Variants in TMF1 observed in about 807,000 individuals in gnomAD.
The protein encoded by TMF1 is TATA element modulatory factor 1.
TMF1 carries 71 observed loss-of-function variants against 126.5 expected under a neutral mutation model. That is an observed-to-expected ratio of 0.56 (90% confidence interval 0.46 to 0.68). The LOEUF is 0.68. Among genes scored for constraint, TMF1 ranks in the 30% least tolerant of loss-of-function variants. The probability of loss-of-function intolerance (pLI) is 0.00; values close to 1 mark genes in which losing one functional copy is unlikely to be tolerated. For missense variants in TMF1, 1,259 were observed against 1,253.2 expected (o/e 1.00, Z -0.07); for synonymous variants, 461 against 430.5 (o/e 1.07, Z -0.88).
intron 13 of TMF1, among the ~76,000 whole-genome samples, chr3:69,026,820 T>C (rs2091770132): frequency 6.6e-6 from 1 of 152,194 alleles, no homozygotes; most frequent in Non-Finnish European, 1.5e-5. Context: ...AAATTACTAA[T>C]GAGTGTTACA....
intron 13 of TMF1, 115 bp downstream of exon 13, chr3:69,027,785 G>C (rs932316393): frequency 2.0e-5 from 11 of 554,776 alleles, no homozygotes; most frequent in African/African-American, 2.0e-4. Flanking sequence ...ATGCCAACCA[G>C]GGCCACAGGT....
intron 5 of TMF1, among the ~76,000 whole-genome samples, chr3:69,041,234 AATT>A (rs2091862885): frequency 6.6e-6 from 1 of 152,210 alleles, no homozygotes; most frequent in Admixed American, 6.5e-5. Flanking sequence ...TTGAGAAAAT[AATT>A]ATAACAACAG....
chr3:69,036,429 G>C (rs2091831805), intron 8 of TMF1, among the ~76,000 whole-genome samples: 1 of 152,190 alleles, frequency 6.6e-6, no homozygotes, highest in African/African-American at 2.4e-5. Context: ...TTATAAAACA[G>C]TGTGAATAAT....
intron 10 of TMF1, among the ~76,000 whole-genome samples, chr3:69,032,229 C>T (rs1462773538): frequency 1.3e-5 from 2 of 152,166 alleles, no homozygotes; most frequent in Non-Finnish European, 2.9e-5. Flanking sequence ...TAAGAGTCCA[C>T]TGAATACTAT....
rs2091844762 is a variant in TMF1 at position 69,038,467 on chromosome 3, T to C, written c.2151+97A>G. ...AGTACTCTGAAATCTAACACATGTA[T>C]CACTACATTGTTTGATTCAAACCAG... is the stretch of plus-strand genomic sequence containing the variant. On this transcript the variant is annotated intron_variant, in intron 8 of 16. Coordinates refer to ENST00000398559, the MANE Select transcript of TMF1 (RefSeq NM_007114.3). 3.7e-6 allele frequency: 5 copies of C among 1,339,792 alleles called. No homozygotes were observed. In the East Asian group the frequency reaches 1.2e-4, roughly 31 times the overall value. 83.0% of individuals were successfully genotyped at this position (1,339,792 alleles called of 1,614,324 possible).
rs1419073360 is a variant in TMF1, at chr3:69,042,917, TAAA to T, written c.1579-8_1579-6del. 1 of 1,588,352 alleles carries T rather than the reference TAAA, an allele frequency of 6.3e-7. No homozygotes were observed. The highest frequency in any genetic ancestry group is 8.6e-7 in the Non-Finnish European group (1 of 1,157,940). ...TTCTTTTATGTTTTTGATTTCCTAA[TAAA>T]AAAGAAATCTGTGAATACCGTAAAG... On this transcript the variant is annotated splice_polypyrimidine_tract_variant and splice_region_variant and intron_variant, in intron 4 of 16. Transcript: ENST00000398559.
In TMF1 at chr3:69,037,768, T is replaced by C. The variant is rs550133519; in HGVS notation, c.2151+796A>G. 5.3e-5 allele frequency among the ~76,000 whole-genome samples: 8 copies of C among 152,086 alleles called. No individual in the cohort carries two copies. The South Asian group carries it at 1.7e-3, about 32-fold the overall frequency. On this transcript the variant is annotated intron_variant, in intron 8 of 16. Coordinates refer to ENST00000398559, the MANE Select transcript of TMF1 (RefSeq NM_007114.3). ...TTGCAGTGAGCTGAGATCGTGCCAC[T>C]GTGCTCCAGTCTGGCAAGAGTGAGA...
At position 69,033,665 on chromosome 3, in the gene TMF1, G is replaced by C; in HGVS notation, c.2284C>G (p.Gln762Glu). The C allele has an allele frequency of 6.2e-7, 1 of 1,613,498 alleles. No homozygotes were observed. Among genetic ancestry groups the C allele is most frequent in the Non-Finnish European group, 8.5e-7 (1 of 1,179,868 alleles). Residue 762 changes from glutamine (Q) to glutamate (E), a missense_variant, in exon 10 of 17, where the codon CAA becomes GAA. Transcript: ENST00000398559. Reference protein sequence around the residue: ...EAENRNQELSQSVSSTTRPLL... With the variant: ...EAENRNQELSESVSSTTRPLL... ...GGTCTTGTTGTTGATGAAACACTTT[G>C]ACTCAGTTCCTGGTTTCGATTCTCT... is the stretch of plus-strand genomic sequence containing the variant.
chr3:69,042,867 T>C lies in TMF1; in HGVS notation c.1624A>G (p.Ser542Gly). 2 of 1,613,718 alleles carry C rather than the reference T, an allele frequency of 1.2e-6. No individual in the cohort carries two copies. The highest frequency in any genetic ancestry group is 2.2e-5 in the East Asian group (1 of 44,810). The change falls in exon 5 of 17, where the codon AGT becomes GGT. Residue 542 changes from serine (S) to glycine (G), a missense_variant. Coordinates refer to ENST00000398559, the MANE Select transcript of TMF1 (RefSeq NM_007114.3). ...KEELATRLNSSETADLLKEKD... is the reference protein window; with the variant it reads ...KEELATRLNSGETADLLKEKD... ...TCTTTCAAAAGGTCTGCAGTTTCAC[T>C]ACTATTTAATCTAGTGGCAAGTTCT...
At chr3:69,051,888 T>C in intron 1 of TMF1, 57 bp downstream of exon 1, 2 of 1,588,222 alleles carry the variant, frequency 1.3e-6, no homozygotes, top group East Asian at 2.3e-5. Flanking sequence ...TTAACCTGCC[T>C]GCATCAAGAG....
chr3:69,037,934 G>A (rs1257021525), intron 8 of TMF1, among the ~76,000 whole-genome samples: 1 of 152,136 alleles, frequency 6.6e-6, no homozygotes, highest in Non-Finnish European at 1.5e-5. Flanking sequence ...TGGAGAAACT[G>A]AAACCCTCAC....
At chr3:69,025,841 C>T (rs889862265) in intron 14 of TMF1, 129 bp from the exon 15 acceptor site, 23 of 1,190,446 alleles carry the variant, frequency 1.9e-5, no homozygotes, top group Admixed American at 5.1e-5. Context: ...AAATCATTCA[C>T]GTGTTTCCTC....
intron 10 of TMF1, among the ~76,000 whole-genome samples, chr3:69,031,299 G>A (rs1234569138): frequency 6.6e-6 from 1 of 152,188 alleles, no homozygotes; most frequent in Middle Eastern, 3.4e-3. Flanking sequence ...CATTAAGAGT[G>A]ATTATTTTCA....
chr3:69,029,061 C>T (rs1217238595), intron 11 of TMF1, among the ~76,000 whole-genome samples: 10 of 147,824 alleles, frequency 6.8e-5, no homozygotes, highest in East Asian at 4.0e-4. Context: ...TTTTTGGAGA[C>T]GGAGTCTCGC....
chr3:69,029,751 C>T (rs1024077186), intron 11 of TMF1, 64 bp downstream of exon 11: 2 of 1,475,872 alleles, frequency 1.4e-6, no homozygotes, highest in African/African-American at 1.4e-5. Context: ...CAACAACATA[C>T]TTTTAAAAAG....
intron 5 of TMF1, among the ~76,000 whole-genome samples, chr3:69,042,056 A>C (rs1163833079): frequency 6.6e-6 from 1 of 151,868 alleles, no homozygotes; most frequent in Non-Finnish European, 1.5e-5. Flanking sequence ...TATTTTTTTG[A>C]GACAAAGTCT....
intron 4 of TMF1, 50 bp from the exon 5 acceptor site, chr3:69,042,962 A>C: frequency 7.7e-7 from 1 of 1,295,614 alleles, no homozygotes; most frequent in Admixed American, 1.8e-5. Context: ...TTTCACTCTA[A>C]GTACAGTTCT....
chr3:69,045,919 C>T (rs561328693), intron 2 of TMF1, among the ~76,000 whole-genome samples: 155 of 151,854 alleles, frequency 1.0e-3, no homozygotes, highest in African/African-American at 3.3e-3. Flanking sequence ...AATAGCCAGG[C>T]GTGGTGCGAG....
chr3:69,029,006 A>T (rs2091784445), intron 11 of TMF1, among the ~76,000 whole-genome samples: 1 of 151,810 alleles, frequency 6.6e-6, no homozygotes, highest in Non-Finnish European at 1.5e-5. Context: ...GAATCCCAGT[A>T]CTATCTTCTT....
Sources: allele counts gnomAD v4.1 joint callset (sites outside exome capture counted in the v4.1 genomes callset), GRCh38; gene constraint gnomAD v4.1.1; transcripts MANE v1.5; gene names NCBI Gene and HGNC (gene_info 2026-07-23, HGNC 2026-07-21).